Variants in GALNTL6 observed in about 807,000 individuals in gnomAD.
The protein encoded by GALNTL6 is polypeptide N-acetylgalactosaminyltransferase-like 6.
In GALNTL6, 46 loss-of-function variants were observed where a neutral mutation model predicts 73.7. The ratio of observed to expected loss-of-function variants is 0.62; its 90% CI spans 0.49 to 0.80. GALNTL6 has a LOEUF of 0.80. Ranked by LOEUF, GALNTL6 falls within the 30% of genes least tolerant of loss-of-function variation. The probability of loss-of-function intolerance (pLI) is 0.00; values close to 1 mark genes in which losing one functional copy is unlikely to be tolerated. For missense variants in GALNTL6, 604 were observed against 755.0 expected (o/e 0.80, Z 2.34); for synonymous variants, 259 against 263.7 (o/e 0.98, Z 0.17).
At chr4:172,005,743 A>G (rs1039353924) in intron 2 of GALNTL6, among the ~76,000 whole-genome samples, 1 of 152,196 alleles carries the variant, frequency 6.6e-6, no homozygotes, top group African/African-American at 2.4e-5. Flanking sequence ...CAGGAATTTT[A>G]AACTGTGGGA....
intron 5 of GALNTL6, among the ~76,000 whole-genome samples, chr4:172,652,258 C>A (rs1740508469): frequency 6.6e-6 from 1 of 152,130 alleles, no homozygotes; most frequent in South Asian, 2.1e-4. Context: ...TTCATAGTTC[C>A]ATTTTTTTTC....
At chr4:172,486,252 T>C (rs1733662623) in intron 5 of GALNTL6, among the ~76,000 whole-genome samples, 2 of 152,162 alleles carry the variant, frequency 1.3e-5, no homozygotes, top group Non-Finnish European at 1.5e-5. Context: ...TGCAGATCAG[T>C]GTGTGAGAAA....
At chr4:171,882,398 G>C (rs77828533) in intron 2 of GALNTL6, among the ~76,000 whole-genome samples, 2 of 152,168 alleles carry the variant, frequency 1.3e-5, no homozygotes, top group Non-Finnish European at 2.9e-5. Flanking sequence ...TGAGATACAG[G>C]TTTATATGAA....
chr4:172,806,718 A>G (rs1305229104), intron 5 of GALNTL6, among the ~76,000 whole-genome samples: 2 of 152,184 alleles, frequency 1.3e-5, no homozygotes, highest in Non-Finnish European at 2.9e-5. Flanking sequence ...ATGAATAGTG[A>G]AGGGAAAAAC....
chr4:172,470,489 A>G (rs1579102015), intron 5 of GALNTL6, among the ~76,000 whole-genome samples: 1 of 152,278 alleles, frequency 6.6e-6, no homozygotes, highest in East Asian at 1.9e-4. Context: ...CAAACAGAAA[A>G]CATAATGCTT....
At chr4:172,069,342 C>A (rs1237161761) in intron 2 of GALNTL6, among the ~76,000 whole-genome samples, 1 of 98,130 alleles carries the variant, frequency 1.0e-5, no homozygotes, top group East Asian at 2.3e-4. Flanking sequence ...TTAAAATTAA[C>A]AAATCAATTA....
At chr4:172,808,796 A>G (rs188903551) in intron 5 of GALNTL6, among the ~76,000 whole-genome samples, 4 of 152,344 alleles carry the variant, frequency 2.6e-5, no homozygotes, top group South Asian at 2.1e-4. Context: ...ATAGTATTTC[A>G]TCTGCAGCCA....
intron 5 of GALNTL6, among the ~76,000 whole-genome samples, chr4:172,633,981 T>C (rs1280226026): frequency 6.6e-6 from 1 of 152,018 alleles, no homozygotes; most frequent in Non-Finnish European, 1.5e-5. Flanking sequence ...GAACTGGGAG[T>C]CAATTAAACC....
chr4:172,283,546 A>G (rs1739137391), intron 3 of GALNTL6, among the ~76,000 whole-genome samples: 1 of 152,172 alleles, frequency 6.6e-6, no homozygotes, highest in Non-Finnish European at 1.5e-5. Flanking sequence ...AGGATGCTAA[A>G]TTAGTGATTT....
At chr4:172,619,728 C>A (rs925730153) in intron 5 of GALNTL6, among the ~76,000 whole-genome samples, 5 of 152,022 alleles carry the variant, frequency 3.3e-5, no homozygotes, top group Non-Finnish European at 7.4e-5. Context: ...GTTATTTGAT[C>A]CCTGAATTGA....
At chr4:172,992,573 C>T (rs1751588717) in intron 10 of GALNTL6, among the ~76,000 whole-genome samples, 1 of 152,082 alleles carries the variant, frequency 6.6e-6, no homozygotes, top group African/African-American at 2.4e-5. Flanking sequence ...AATAATGAGG[C>T]ATCACACATA....
At chr4:173,031,590 T>C (rs944511618) in intron 12 of GALNTL6, among the ~76,000 whole-genome samples, 3 of 151,976 alleles carry the variant, frequency 2.0e-5, no homozygotes, top group Admixed American at 6.6e-5. Context: ...TCACTATCTC[T>C]TCAGGTTGCT....
chr4:172,755,615 GC>G, intron 5 of GALNTL6, among the ~76,000 whole-genome samples: 1 of 152,188 alleles, frequency 6.6e-6, no homozygotes, highest in South Asian at 2.1e-4. Flanking sequence ...TTAAAATATA[GC>G]CTCAAATTCA....
intron 7 of GALNTL6, among the ~76,000 whole-genome samples, chr4:172,843,620 G>C (rs1002898989): frequency 1.3e-5 from 2 of 152,078 alleles, no homozygotes; most frequent in South Asian, 4.1e-4. Flanking sequence ...TGGCTTTCTC[G>C]GGAGAGTTAA....
At chr4:172,399,767 C>T (rs1349729252) in intron 5 of GALNTL6, among the ~76,000 whole-genome samples, 1 of 152,026 alleles carries the variant, frequency 6.6e-6, no homozygotes, top group Non-Finnish European at 1.5e-5. Context: ...TTTTCTCATT[C>T]ACCAGCAAAA....
intron 7 of GALNTL6, among the ~76,000 whole-genome samples, chr4:172,848,474 G>A (rs966773151): frequency 4.6e-5 from 7 of 152,148 alleles, no homozygotes; most frequent in African/African-American, 1.7e-4. Context: ...TCTTAGAATA[G>A]ACACTTAAGA....
chr4:172,745,675 A>T (rs1001616558), intron 5 of GALNTL6, among the ~76,000 whole-genome samples: 15 of 152,062 alleles, frequency 9.9e-5, no homozygotes, highest in African/African-American at 3.1e-4. Flanking sequence ...TGGGATTCAT[A>T]TGTAAGAGAT....
chr4:172,295,430 A>AT (rs1554011182), intron 3 of GALNTL6, among the ~76,000 whole-genome samples: 10 of 150,822 alleles, frequency 6.6e-5, no homozygotes, highest in African/African-American at 9.7e-5. Context: ...TAAGAAAAAA[A>AT]AAAAGTGCCA....
intron 2 of GALNTL6, among the ~76,000 whole-genome samples, chr4:172,159,305 A>G (rs1327328018): frequency 6.6e-6 from 1 of 152,198 alleles, no homozygotes; most frequent in Non-Finnish European, 1.5e-5. Flanking sequence ...GTTAATGGTG[A>G]GCAAATCGGT....
Sources: gnomAD v4.1 joint callset for allele counts (sites outside exome capture counted in the v4.1 genomes callset) on GRCh38, gnomAD v4.1.1 for gene constraint, MANE v1.5 for transcripts, NCBI Gene and HGNC (gene_info 2026-07-23, HGNC 2026-07-21) for gene names.